ZC3HAV1: variants seen among roughly 807,000 people sequenced by gnomAD.
ZC3HAV1 encodes the protein zinc finger CCCH-type antiviral protein 1.
Under a neutral mutation model 86.6 loss-of-function variants are expected in ZC3HAV1, and 41 were observed. The ratio of observed to expected loss-of-function variants is 0.47; its 90% CI spans 0.37 to 0.61. ZC3HAV1 has a LOEUF of 0.61. Among genes scored for constraint, ZC3HAV1 ranks in the 20% least tolerant of loss-of-function variants. The pLI is 0.00. For synonymous variants in ZC3HAV1, 421 were observed against 432.1 expected, an observed-to-expected ratio of 0.97 and a Z score of 0.32; for missense variants, 964 against 1,141.1, an observed-to-expected ratio of 0.84 and a Z score of 2.24.
chr7:139,085,867 A>T (rs929295961), intron 2 of ZC3HAV1, among the ~76,000 whole-genome samples: 10 of 152,166 alleles, frequency 6.6e-5, no homozygotes, highest in Admixed American at 1.3e-4. Flanking sequence ...ACAAAAAATT[A>T]TCCGGGTGTG....
chr7:139,092,348 G>A (rs1817461270), intron 1 of ZC3HAV1, among the ~76,000 whole-genome samples: 2 of 152,186 alleles, frequency 1.3e-5, no homozygotes, highest in African/African-American at 4.8e-5. Flanking sequence ...AGCCAATTCA[G>A]GTGGAAACAA....
At chr7:139,072,256 G>T (rs1029374980) in intron 7 of ZC3HAV1, among the ~76,000 whole-genome samples, 2 of 151,838 alleles carry the variant, frequency 1.3e-5, no homozygotes, top group Non-Finnish European at 2.9e-5. Context: ...TGCAATCTCG[G>T]CTCACTGCAA....
rs750890047 is a variant in ZC3HAV1 at position 139,064,935 on chromosome 7, G to A, written c.1937C>T (p.Pro646Leu). 2.2e-5 allele frequency: 35 copies of A among 1,613,988 alleles called. No homozygotes were observed. Among genetic ancestry groups the A allele is most frequent in the Middle Eastern group, 1.6e-4 (1 of 6,084 alleles). ...CGCCTGAAATGGCACAACTCCCCTC[G>A]GACAGGATTGATAGAGAGACTCCAG... ...SYLESLYQSC[P>L]RGVVPFQAGS... Residue 646 changes from proline (P) to leucine (L), a missense_variant, in exon 8 of 13, where the codon CCG (proline) becomes CTG (leucine). Transcript: ENST00000242351.
chr7:139,067,788 T>C (rs1816649435), intron 7 of ZC3HAV1, among the ~76,000 whole-genome samples: 1 of 152,154 alleles, frequency 6.6e-6, no homozygotes, highest in Non-Finnish European at 1.5e-5. Context: ...CACAGGAGCC[T>C]TCACGAGAAA....
In ZC3HAV1 at chr7:139,083,874, G is replaced by C. The variant is rs1311629263; in HGVS notation, c.603C>G (p.Ile201Met). ...CGGGGTTCAGCCCGTGCTCCCTCATGATGGCCAGCACCTTTCTGTCCATCA... is the reference window on the plus strand; with the variant it reads ...CGGGGTTCAGCCCGTGCTCCCTCATCATGGCCAGCACCTTTCTGTCCATCA... ...HNLMDRKVLA[I>M]MREHGLNPDV... The change falls in exon 3 of 13, where the codon ATC (isoleucine) becomes ATG (methionine). Residue 201 changes from isoleucine (I) to methionine (M), a missense_variant. Coordinates refer to ENST00000242351, the MANE Select transcript of ZC3HAV1 (RefSeq NM_020119.4). The C allele has an allele frequency of 6.2e-7, 1 of 1,614,146 alleles. No individual in the cohort carries two copies. The highest frequency in any genetic ancestry group is 8.5e-7 in the Non-Finnish European group (1 of 1,180,034).
At chr7:139,079,204 G>T (rs1437571884) in intron 4 of ZC3HAV1, 1 of 1,536,354 alleles carries the variant, frequency 6.5e-7, no homozygotes, top group South Asian at 1.2e-5. Flanking sequence ...CAGCTCTGTT[G>T]CTTGAGGAAA....
At chr7:139,103,250 GTTTTTTATTTTTTTAT>G (rs1048944704) in intron 1 of ZC3HAV1, among the ~76,000 whole-genome samples, 1 of 148,920 alleles carries the variant, frequency 6.7e-6, no homozygotes, top group Non-Finnish European at 1.5e-5. Flanking sequence ...TATTTTACTT[GTTTTTTATTTTTTTAT>G]TTTTTTATTT....
Position 139,052,381 on chromosome 7 carries a change from A to C in ZC3HAV1, c.2449+1070T>G, listed in dbSNP as rs538049830. ...AGCACTTTGGGAGGCCAAGGCAGGC[A>C]GATCCCCTGAGGTCAGGAGTTCTAG... On this transcript the variant is annotated intron_variant, in intron 12 of 12. Coordinates refer to ENST00000242351, the MANE Select transcript of ZC3HAV1 (RefSeq NM_020119.4). 3.4e-5 allele frequency among the ~76,000 whole-genome samples: 5 copies of C among 146,546 alleles called. No homozygotes were observed. The Admixed American group carries it at 3.5e-4, about 10-fold the overall frequency.
intron 2 of ZC3HAV1, among the ~76,000 whole-genome samples, chr7:139,086,756 A>G (rs2130715274): frequency 6.6e-6 from 1 of 152,294 alleles, no homozygotes; most frequent in Admixed American, 6.5e-5. Context: ...TGTTCTCATG[A>G]TAGTGAGTTC....
At chr7:139,072,644 CT>C (rs1816812734) in intron 7 of ZC3HAV1, among the ~76,000 whole-genome samples, 1 of 152,138 alleles carries the variant, frequency 6.6e-6, no homozygotes, top group Admixed American at 6.5e-5. Context: ...AGAGGCTCTG[CT>C]CACCTAAACT....
intron 1 of ZC3HAV1, among the ~76,000 whole-genome samples, chr7:139,090,541 C>A (rs879291736): frequency 8.5e-5 from 13 of 152,188 alleles, no homozygotes; most frequent in African/African-American, 2.7e-4. Context: ...GATTCTGGAA[C>A]AGAAAATATC....
intron 7 of ZC3HAV1, 66 bp downstream of exon 7, chr7:139,073,790 C>G: frequency 1.3e-6 from 2 of 1,493,630 alleles, no homozygotes; most frequent in Non-Finnish European, 1.8e-6. Context: ...CGTGCCCAGC[C>G]AACAGTGTTC....
intron 7 of ZC3HAV1, among the ~76,000 whole-genome samples, chr7:139,073,584 G>A (rs1486767613): frequency 1.3e-5 from 2 of 151,948 alleles, no homozygotes; most frequent in East Asian, 1.9e-4. Context: ...TCCACCTCCC[G>A]GGTTCAAGAG....
In ZC3HAV1 at chr7:139,053,636, G is replaced by A. The variant is rs189655586; in HGVS notation, c.2319-55C>T. On this transcript the variant is annotated intron_variant, in intron 11 of 12. Coordinates refer to ENST00000242351, the MANE Select transcript of ZC3HAV1 (RefSeq NM_020119.4). ...GAGACATCCCCTTCCCACTCCAGTT[G>A]ATAACATTAATCCCAGCTAAAGTCT... 8 of 1,511,100 alleles carry A rather than the reference G, an allele frequency of 5.3e-6. No individual in the cohort carries two copies. In the East Asian group the frequency reaches 1.9e-4, roughly 35 times the overall value. The allele number at this position is 1,511,100 out of a possible 1,614,324, so 93.6% of individuals were successfully genotyped here.
intron 6 of ZC3HAV1, among the ~76,000 whole-genome samples, chr7:139,075,208 C>T (rs951992239): frequency 2.0e-5 from 3 of 152,104 alleles, no homozygotes; most frequent in Non-Finnish European, 2.9e-5. Context: ...AAATATAGAC[C>T]TAGCAACCAG....
chr7:139,055,279 T>G lies in ZC3HAV1; in HGVS notation c.2113A>C (p.Thr705Pro). 1 of 1,612,948 alleles carries G rather than the reference T, an allele frequency of 6.2e-7. No homozygotes were observed. The highest frequency in any genetic ancestry group is 8.5e-7 in the Non-Finnish European group (1 of 1,179,308). ...KRGPDHQPAK[T>P]SSVSLTATFR... ...GTCGCAGTTAAAGACACTGACGAGG[T>G]CTTTGCTGGCTGATGGCTACAAATA... is the stretch of plus-strand genomic sequence containing the variant. The change falls in exon 10 of 13, where the codon ACC becomes CCC. Residue 705 changes from threonine (T) to proline (P), a missense_variant. Coordinates refer to ENST00000242351, the MANE Select transcript of ZC3HAV1 (RefSeq NM_020119.4).
At position 139,054,850 on chromosome 7, in the gene ZC3HAV1, C is replaced by T. The variant is rs557062810; in HGVS notation, c.2187+355G>A. Among the ~76,000 whole-genome samples, 19 of 152,254 alleles carry T rather than the reference C, an allele frequency of 1.2e-4. No individual in the cohort carries two copies. The East Asian group carries it at 1.7e-3, about 14-fold the overall frequency. On this transcript the variant is annotated intron_variant, in intron 10 of 12. Transcript: ENST00000242351. ...TGCAGTGGGCAGGAGTGCAGTGGCG[C>T]GATCTCGGCTCGCTGCAACCTCCGC...
In ZC3HAV1 at chr7:139,088,824, C is replaced by T. The variant is rs116871425; in HGVS notation, c.444+800G>A. 4.1e-3 allele frequency among the ~76,000 whole-genome samples: 622 copies of T among 152,176 alleles called. 29 individuals carry two copies. In the East Asian group the frequency reaches 0.088, roughly 22 times the overall value. On this transcript the variant is annotated intron_variant, in intron 2 of 12. Transcript: ENST00000242351. ...CAAAACTTTGTTTATAAAAACAGGC[C>T]GGGTATGGTGGCTCACACCTGTAAT...
chr7:139,077,675 T>C (rs909375661), intron 5 of ZC3HAV1, among the ~76,000 whole-genome samples: 1 of 152,262 alleles, frequency 6.6e-6, no homozygotes, highest in African/African-American at 2.4e-5. Context: ...ATTGCAGGAA[T>C]GCCGGCTGAA....
Sources: gnomAD v4.1 joint callset for allele counts (sites outside exome capture counted in the v4.1 genomes callset) on GRCh38, gnomAD v4.1.1 for gene constraint, MANE v1.5 for transcripts, NCBI Gene and HGNC (gene_info 2026-07-23, HGNC 2026-07-21) for gene names.